The following NRXN3 variants were observed in gnomAD, a reference collection of about 807,000 sequenced individuals.
The protein encoded by NRXN3 is neurexin III.
In NRXN3, 32 loss-of-function variants were observed where a neutral mutation model predicts 137.6. The ratio of observed to expected loss-of-function variants is 0.23; its 90% confidence interval spans 0.18 to 0.31. NRXN3 has a LOEUF of 0.31. Among genes scored for constraint, NRXN3 ranks in the 10% least tolerant of loss-of-function variants. NRXN3 has a pLI of 1.00. For synonymous variants in NRXN3, 798 were observed against 784.5 expected, an observed-to-expected ratio of 1.02 and a Z score of -0.29; for missense variants, 1,574 against 2,062.5, an observed-to-expected ratio of 0.76 and a Z score of 4.59.
At chr14:79,189,288 C>T (rs1285499109) in intron 15 of NRXN3, among the ~76,000 whole-genome samples, 1 of 150,194 alleles carries the variant, frequency 6.7e-6, no homozygotes, top group African/African-American at 2.5e-5. Flanking sequence ...ATCACAAGAA[C>T]AAAAAACCAA....
At chr14:78,372,952 G>A (rs749228995) in intron 4 of NRXN3, among the ~76,000 whole-genome samples, 20 of 152,252 alleles carry the variant, frequency 1.3e-4, no homozygotes, top group Admixed American at 4.6e-4. Flanking sequence ...AGAAACGTAG[G>A]TAGAATAATG....
chr14:79,727,347 T>C (rs2154068937), intron 19 of NRXN3, among the ~76,000 whole-genome samples: 1 of 152,302 alleles, frequency 6.6e-6, no homozygotes, highest in South Asian at 2.1e-4. Context: ...TATAGAATTC[T>C]TCCTGCCTAA....
intron 2 of NRXN3, among the ~76,000 whole-genome samples, chr14:78,263,228 A>G (rs977009643): frequency 1.3e-5 from 2 of 152,208 alleles, no homozygotes; most frequent in Non-Finnish European, 2.9e-5. Context: ...ATTAGAGGTA[A>G]ATAAACTCTG....
chr14:78,872,536 A>G (rs2099104084), intron 10 of NRXN3, among the ~76,000 whole-genome samples: 1 of 151,640 alleles, frequency 6.6e-6, no homozygotes, highest in Admixed American at 6.6e-5. Flanking sequence ...CCTATCCTAC[A>G]TTGTCTAGTT....
chr14:79,154,374 G>A (rs2060065729), intron 15 of NRXN3, among the ~76,000 whole-genome samples: 2 of 151,924 alleles, frequency 1.3e-5, no homozygotes, highest in Admixed American at 1.3e-4. Flanking sequence ...GAGGAGACTA[G>A]TTTCACTGAC....
intron 15 of NRXN3, among the ~76,000 whole-genome samples, chr14:79,465,397 C>T (rs751322382): frequency 1.3e-5 from 2 of 152,108 alleles, no homozygotes; most frequent in South Asian, 2.1e-4. Flanking sequence ...CCCTAAGGAT[C>T]GAGAAATTCA....
intron 15 of NRXN3, among the ~76,000 whole-genome samples, chr14:79,380,643 T>G (rs1308253699): frequency 1.3e-5 from 2 of 152,188 alleles, no homozygotes; most frequent in Admixed American, 6.5e-5. Context: ...TTGTGAATAG[T>G]GCCGCAATAA....
At chr14:78,358,079 G>A (rs140147325) in intron 4 of NRXN3, among the ~76,000 whole-genome samples, 50 of 152,266 alleles carry the variant, frequency 3.3e-4, no homozygotes, top group African/African-American at 1.1e-3. Context: ...CCAGTCCTGG[G>A]CACTACTCTT....
chr14:79,182,209 C>T (rs111757990), intron 15 of NRXN3, among the ~76,000 whole-genome samples: 153 of 151,972 alleles, frequency 1.0e-3, no homozygotes, highest in African/African-American at 3.4e-3. Flanking sequence ...GCACCAGGGA[C>T]CAGTTTCACC....
intron 10 of NRXN3, among the ~76,000 whole-genome samples, chr14:78,831,534 C>CAAAAAAAAAAA (rs372852083): frequency 5.2e-5 from 3 of 58,200 alleles, no homozygotes; most frequent in African/African-American, 2.6e-4. Context: ...GACTCCATGT[C>CAAAAAAAAAAA]AAAAAAAAAA....
chr14:79,150,986 T>C (rs374500510), intron 15 of NRXN3, among the ~76,000 whole-genome samples: 88 of 152,188 alleles, frequency 5.8e-4, no homozygotes, highest in African/African-American at 1.8e-3. Flanking sequence ...GAGGGTCTTC[T>C]TGTCTCCATG....
At chr14:78,234,687 A>T (rs1048500418) in intron 1 of NRXN3, among the ~76,000 whole-genome samples, 1 of 152,042 alleles carries the variant, frequency 6.6e-6, no homozygotes, top group Non-Finnish European at 1.5e-5. Flanking sequence ...CCACCTCCTT[A>T]TATTATTTAG....
chr14:79,174,612 G>C (rs547945261), intron 15 of NRXN3, among the ~76,000 whole-genome samples: 1 of 147,124 alleles, frequency 6.8e-6, no homozygotes, highest in Non-Finnish European at 1.5e-5. Flanking sequence ...ACCCAATATT[G>C]CATCATATTT....
chr14:78,355,465 G>A (rs1370201914), intron 4 of NRXN3, among the ~76,000 whole-genome samples: 2 of 152,044 alleles, frequency 1.3e-5, no homozygotes, highest in East Asian at 3.9e-4. Context: ...ACCCAGGCGG[G>A]AGTGCAGTGG....
intron 19 of NRXN3, among the ~76,000 whole-genome samples, chr14:79,745,049 C>T (rs2098975324): frequency 6.7e-6 from 1 of 149,232 alleles, no homozygotes; most frequent in Non-Finnish European, 1.5e-5. Flanking sequence ...GGTAGAAAGG[C>T]ACATTGTTTT....
chr14:79,363,601 GAAAA>G (rs35899846), intron 15 of NRXN3, among the ~76,000 whole-genome samples: 2 of 124,830 alleles, frequency 1.6e-5, no homozygotes, highest in African/African-American at 6.3e-5. Context: ...ACTTTCTTAA[GAAAA>G]AAAAAAAAAA....
chr14:79,358,345 C>T (rs2093504413), intron 15 of NRXN3, among the ~76,000 whole-genome samples: 2 of 151,580 alleles, frequency 1.3e-5, no homozygotes, highest in Admixed American at 6.6e-5. Context: ...CAGAGGCGAG[C>T]CGATCACGCG....
chr14:79,743,493 C>T (rs2098969559), intron 19 of NRXN3, among the ~76,000 whole-genome samples: 1 of 152,114 alleles, frequency 6.6e-6, no homozygotes, highest in Non-Finnish European at 1.5e-5. Context: ...CAAACTTGGG[C>T]TAACAATGAG....
Position 78,749,331 on chromosome 14 carries a change from C to T in NRXN3, c.2044+34192C>T, listed in dbSNP as rs947686186. 1.1e-4 allele frequency among the ~76,000 whole-genome samples: 16 copies of T among 152,284 alleles called. 1 individual carries two copies. The Middle Eastern group carries it at 0.01, about 97-fold the overall frequency. On this transcript the variant is annotated intron_variant, in intron 8 of 20. Transcript: ENST00000335750. ...CTCATCATTTTGCCAAAACAATGCC[C>T]ATAGATTGCCTACCACTATTATTAA...
Sources: allele counts gnomAD v4.1 joint callset (sites outside exome capture counted in the v4.1 genomes callset), GRCh38; gene constraint gnomAD v4.1.1; transcripts MANE v1.5; gene names NCBI Gene and HGNC (gene_info 2026-07-23, HGNC 2026-07-21).